The following NOVA1 variants were observed in gnomAD, a reference collection of about 807,000 sequenced individuals.
NOVA1 encodes NOVA alternative splicing regulator 1, also known as RNA-binding protein Nova-1.
A neutral mutation model predicts 38.0 loss-of-function variants in NOVA1; 7 were observed. That is an observed-to-expected ratio of 0.18 (90% CI 0.10 to 0.35). The LOEUF is 0.35. Among genes scored for constraint, NOVA1 ranks in the 10% least tolerant of loss-of-function variants. NOVA1 has a pLI of 1.00. For missense variants in NOVA1, 460 were observed against 616.0 expected, an observed-to-expected ratio of 0.75 and a Z score of 2.68; for synonymous variants, 270 against 232.5, an observed-to-expected ratio of 1.16 and a Z score of -1.47.
At chr14:26,513,991 A>G (rs1356768602) in intron 2 of NOVA1, among the ~76,000 whole-genome samples, 1 of 151,750 alleles carries the variant, frequency 6.6e-6, no homozygotes, top group Non-Finnish European at 1.5e-5. Context: ...AGTTATTTTA[A>G]TAATTTATGA....
chr14:26,504,998 A>G (rs1265252050), intron 2 of NOVA1, among the ~76,000 whole-genome samples: 2 of 79,512 alleles, frequency 2.5e-5, no homozygotes, highest in Admixed American at 1.5e-4. Flanking sequence ...GTGACGGCAG[A>G]AATTTTGTCT....
At chr14:26,528,575 G>A (rs1476470523) in intron 2 of NOVA1, among the ~76,000 whole-genome samples, 2 of 152,056 alleles carry the variant, frequency 1.3e-5, no homozygotes, top group African/African-American at 4.8e-5. Flanking sequence ...GAATACCTTA[G>A]ACACCGGCAC....
intron 2 of NOVA1, among the ~76,000 whole-genome samples, chr14:26,503,432 TA>T (rs1461965964): frequency 6.6e-6 from 1 of 152,072 alleles, no homozygotes; most frequent in African/African-American, 2.4e-5. Context: ...TCAATTGTAT[TA>T]AAAAATCAAA....
At chr14:26,553,316 C>T (rs960943314) in intron 2 of NOVA1, among the ~76,000 whole-genome samples, 9 of 152,170 alleles carry the variant, frequency 5.9e-5, no homozygotes, top group Admixed American at 1.3e-4. Flanking sequence ...CTTTACCTTC[C>T]TTAGTTCTTC....
intron 2 of NOVA1, among the ~76,000 whole-genome samples, chr14:26,564,081 C>T (rs908624919): frequency 2.0e-5 from 3 of 152,032 alleles, no homozygotes; most frequent in Admixed American, 2.0e-4. Context: ...CAATTTAGTT[C>T]CAGAACCCAT....
chr14:26,530,525 T>A (rs2138549181), intron 2 of NOVA1, among the ~76,000 whole-genome samples: 1 of 152,228 alleles, frequency 6.6e-6, no homozygotes, highest in Admixed American at 6.5e-5. Context: ...AGCAAACAGA[T>A]CAGATCTATA....
intron 2 of NOVA1, among the ~76,000 whole-genome samples, chr14:26,516,705 T>C (rs554390225): frequency 2.0e-5 from 3 of 152,308 alleles, no homozygotes; most frequent in African/African-American, 7.2e-5. Flanking sequence ...TTGAACAGTG[T>C]TTTTTCTTTC....
At chr14:26,554,393 A>G (rs1007221082) in intron 2 of NOVA1, among the ~76,000 whole-genome samples, 2 of 152,132 alleles carry the variant, frequency 1.3e-5, no homozygotes, top group Non-Finnish European at 2.9e-5. Flanking sequence ...CACTCACTGG[A>G]TTGAGCAAAG....
intron 2 of NOVA1, among the ~76,000 whole-genome samples, chr14:26,575,860 G>A (rs551254356): frequency 6.6e-6 from 1 of 151,730 alleles, no homozygotes; most frequent in East Asian, 1.9e-4. Flanking sequence ...TTTAATAATT[G>A]AGTACAGAAT....
chr14:26,569,912 A>C (rs1367338401), intron 2 of NOVA1, among the ~76,000 whole-genome samples: 1 of 152,136 alleles, frequency 6.6e-6, no homozygotes, highest in Non-Finnish European at 1.5e-5. Flanking sequence ...TTCTGATTCA[A>C]TGCATTCTTA....
At chr14:26,529,699 C>T (rs1417756629) in intron 2 of NOVA1, among the ~76,000 whole-genome samples, 1 of 152,158 alleles carries the variant, frequency 6.6e-6, no homozygotes, top group African/African-American at 2.4e-5. Context: ...TTTTGCCTCA[C>T]TCTTCCTAAT....
At chr14:26,550,652 TCTC>T (rs544975642) in intron 2 of NOVA1, among the ~76,000 whole-genome samples, 251 of 152,268 alleles carry the variant, frequency 1.6e-3, no homozygotes, top group Middle Eastern at 0.014. Flanking sequence ...TACTATCTCA[TCTC>T]CTAGCTCTAG....
At chr14:26,450,139 T>TA (rs1882531499) in intron 4 of NOVA1, among the ~76,000 whole-genome samples, 1 of 152,086 alleles carries the variant, frequency 6.6e-6, no homozygotes, top group African/African-American at 2.4e-5. Context: ...ATGGGCAGGC[T>TA]AAAAAAAGTG....
In NOVA1 at chr14:26,448,402, A is replaced by G. The variant is rs777317670; in HGVS notation, c.1081T>C (p.Leu361=). The G allele has an allele frequency of 6.2e-7, 1 of 1,612,702 alleles. No homozygotes were observed. The change falls in exon 5 of 5, where the codon TTA becomes CTA. Residue 361 remains leucine (L), a synonymous_variant. Transcript: ENST00000539517. The surrounding 1 kb of genome is among the most constrained non-coding windows in gnomAD (Gnocchi z 5.3). ...SANPAAAAAN[L]LATYASEASA... ...GCTTCACTGGCATAGGTGGCCAATA[A>G]ATTGGCTGCTGCTGCTGCTGGGTTG...
At chr14:26,590,918 T>C (rs1893806076) in intron 2 of NOVA1, among the ~76,000 whole-genome samples, 1 of 151,726 alleles carries the variant, frequency 6.6e-6, no homozygotes. Flanking sequence ...ATTAATGATG[T>C]CTTATAACTT....
intron 2 of NOVA1, among the ~76,000 whole-genome samples, chr14:26,483,991 CA>C (rs1270118843): frequency 6.6e-6 from 1 of 151,936 alleles, no homozygotes; most frequent in Non-Finnish European, 1.5e-5. Flanking sequence ...CAGAAAGTGT[CA>C]TTTTTTTTTC....
chr14:26,535,710 C>G (rs929934888), intron 2 of NOVA1, among the ~76,000 whole-genome samples: 1 of 152,130 alleles, frequency 6.6e-6, no homozygotes, highest in African/African-American at 2.4e-5. Flanking sequence ...GTAATCCCAG[C>G]ACTTTGGGAG....
intron 2 of NOVA1, among the ~76,000 whole-genome samples, chr14:26,571,732 G>T (rs1892487473): frequency 6.6e-6 from 1 of 152,170 alleles, no homozygotes; most frequent in African/African-American, 2.4e-5. Context: ...CTACCATTTG[G>T]ACAACTGTCA....
chr14:26,569,752 A>T (rs963604490), intron 2 of NOVA1, among the ~76,000 whole-genome samples: 9 of 152,214 alleles, frequency 5.9e-5, no homozygotes, highest in African/African-American at 2.2e-4. Flanking sequence ...TAAACTTGAG[A>T]GCACAGTCTA....
Sources: allele counts gnomAD v4.1 joint callset (sites outside exome capture counted in the v4.1 genomes callset), GRCh38; gene constraint gnomAD v4.1.1; non-coding constraint Gnocchi (gnomAD v3.1); transcripts MANE v1.5; gene names NCBI Gene and HGNC (gene_info 2026-07-23, HGNC 2026-07-21).